The following TMEM131 variants were observed in gnomAD, a reference collection of about 807,000 sequenced individuals.
The protein encoded by TMEM131 is 2610524E03Rik.
Under a neutral mutation model 211.6 loss-of-function variants are expected in TMEM131, and 66 were observed. The observed-to-expected ratio is 0.31, with a 90% CI of 0.26 to 0.38. The LOEUF (loss-of-function observed/expected upper bound fraction) is 0.38, where lower values mean the gene tolerates loss of function less well. Among genes scored for constraint, TMEM131 ranks in the 10% least tolerant of loss-of-function variants. TMEM131 has a pLI of 1.00. For missense variants in TMEM131, 2,036 were observed against 2,299.3 expected, an observed-to-expected ratio of 0.89 and a Z score of 2.34; for synonymous variants, 844 against 841.3, an observed-to-expected ratio of 1.00 and a Z score of -0.06.
At chr2:97,758,763 G>T in intron 40 of TMEM131, 130 bp downstream of exon 40, 1 of 1,233,042 alleles carries the variant, frequency 8.1e-7, no homozygotes. Context: ...GACAATAAAA[G>T]TACTAACCCA....
At position 97,849,439 on chromosome 2, in the gene TMEM131, A is replaced by T. The variant is rs139702364; in HGVS notation, c.484-5178T>A. ...TACACCAACCAATATGAAATGCATT[A>T]TGCTAAAAGAAAGAAGCCAGACTAA... is the stretch of plus-strand genomic sequence containing the variant. On this transcript the variant is annotated intron_variant, in intron 5 of 40. Transcript: ENST00000186436. Among the ~76,000 whole-genome samples, 937 of 152,278 alleles carry T rather than the reference A, an allele frequency of 6.2e-3. 5 individuals carry two copies. The highest frequency in any genetic ancestry group is 0.01 in the Non-Finnish European group (706 of 67,996).
At chr2:97,943,236 AGAC>A (rs1424456826) in intron 1 of TMEM131, among the ~76,000 whole-genome samples, 1 of 152,134 alleles carries the variant, frequency 6.6e-6, no homozygotes, top group Non-Finnish European at 1.5e-5. Flanking sequence ...CAACAAGGCA[AGAC>A]CCTGTCTCTA....
In TMEM131 at chr2:97,914,236, T is replaced by C. The variant is rs150325917; in HGVS notation, c.250-5538A>G. On this transcript the variant is annotated intron_variant, in intron 2 of 40. Transcript: ENST00000186436. Reference sequence around the variant, plus strand: ...ACATGAATTTTCACTGAGATAACTGTAGATTCACATGCAGTTGCAAGAAAT... The same window carrying C: ...ACATGAATTTTCACTGAGATAACTGCAGATTCACATGCAGTTGCAAGAAAT... Among the ~76,000 whole-genome samples the C allele has an allele frequency of 6.2e-3, 949 of 152,320 alleles. 15 individuals carry two copies. The highest frequency in any genetic ancestry group is 0.02 in the African/African-American group (826 of 41,564).
intron 31 of TMEM131, among the ~76,000 whole-genome samples, chr2:97,783,394 C>T (rs1297940537): frequency 2.6e-5 from 4 of 152,036 alleles, no homozygotes; most frequent in African/African-American, 9.7e-5. Context: ...ACAAGATTTC[C>T]TTCATATCTT....
At chr2:97,939,754 C>T (rs1042684239) in intron 1 of TMEM131, among the ~76,000 whole-genome samples, 9 of 152,308 alleles carry the variant, frequency 5.9e-5, no homozygotes, top group African/African-American at 2.2e-4. Context: ...CCCTGATGAA[C>T]ATCGATGCAA....
chr2:97,857,032 A>G (rs1673878217), intron 5 of TMEM131, among the ~76,000 whole-genome samples: 1 of 152,216 alleles, frequency 6.6e-6, no homozygotes, highest in African/African-American at 2.4e-5. Flanking sequence ...AAATTTCCAG[A>G]GAAACTATTC....
intron 31 of TMEM131, among the ~76,000 whole-genome samples, chr2:97,777,167 C>G (rs1442924273): frequency 6.6e-6 from 1 of 152,236 alleles, no homozygotes; most frequent in African/African-American, 2.4e-5. Flanking sequence ...GCCCCAGGTT[C>G]TAGCACCTCA....
intron 1 of TMEM131, among the ~76,000 whole-genome samples, chr2:97,975,724 C>T (rs530474159): frequency 4.6e-5 from 7 of 150,856 alleles, no homozygotes; most frequent in African/African-American, 1.7e-4. Context: ...TATACAGATT[C>T]TTCCAAAAAA....
intron 4 of TMEM131, among the ~76,000 whole-genome samples, chr2:97,869,122 C>A (rs75721594): frequency 2.0e-5 from 3 of 152,240 alleles, no homozygotes. Context: ...AATGCTTTTA[C>A]AATTCAAATA....
intron 11 of TMEM131, among the ~76,000 whole-genome samples, chr2:97,832,810 T>G (rs917911045): frequency 9.2e-5 from 14 of 152,218 alleles, no homozygotes; most frequent in African/African-American, 3.1e-4. Flanking sequence ...CAATTCCATA[T>G]GGCCTAAAAG....
chr2:97,824,337 C>T (rs2105020508), intron 11 of TMEM131, among the ~76,000 whole-genome samples: 1 of 152,258 alleles, frequency 6.6e-6, no homozygotes. Context: ...TACGTTTAAC[C>T]ATTGAAGGCC....
chr2:97,760,903 A>G lies in TMEM131; in HGVS notation c.4901T>C (p.Ile1634Thr), dbSNP rs764554349. The G allele has an allele frequency of 1.2e-5, 20 of 1,613,746 alleles. No homozygotes were observed. Among genetic ancestry groups the G allele is most frequent in the East Asian group, 8.9e-5 (4 of 44,856 alleles). Residue 1634 changes from isoleucine (I) to threonine (T), a missense_variant, in exon 37 of 41, where the codon ATA becomes ACA. Transcript: ENST00000186436. ...GTGTTTGCTTCCATTTGGCTGTTTT[A>G]TTTTAGGGTCACTTGAAAAAGAAGC... ...VNSSSSSDPK[I>T]KQPNGSKHKL...
intron 31 of TMEM131, among the ~76,000 whole-genome samples, chr2:97,781,394 T>C (rs188706391): frequency 6.6e-6 from 1 of 152,346 alleles, no homozygotes; most frequent in African/African-American, 2.4e-5. Flanking sequence ...AAGTAATTTA[T>C]CCTATCAATA....
At chr2:97,759,787 G>A (rs749412009) in intron 38 of TMEM131, 38 bp from the exon 39 acceptor site, 11 of 1,507,550 alleles carry the variant, frequency 7.3e-6, no homozygotes, top group Non-Finnish European at 1.0e-5. Flanking sequence ...ACACAAAAAT[G>A]TATGGTGGTT....
At chr2:97,830,876 T>TA (rs1165958105) in intron 11 of TMEM131, among the ~76,000 whole-genome samples, 4 of 151,968 alleles carry the variant, frequency 2.6e-5, no homozygotes, top group Non-Finnish European at 5.9e-5. Context: ...AAGGGGAATT[T>TA]AAAAAAAAGA....
At position 97,767,533 on chromosome 2, in the gene TMEM131, T is replaced by A. The variant is rs527700278; in HGVS notation, c.4449-931A>T. On this transcript the variant is annotated intron_variant, in intron 33 of 40. Coordinates refer to ENST00000186436, the MANE Select transcript of TMEM131 (RefSeq NM_015348.2). Reference sequence around the variant, plus strand: ...GCTAATGTGGTCCAAGAAGGACCTTTTCCAGCAAAGGCTGAGATGCAGCTC... The same window carrying A: ...GCTAATGTGGTCCAAGAAGGACCTTATCCAGCAAAGGCTGAGATGCAGCTC... Among the ~76,000 whole-genome samples, 173 of 152,202 alleles carry A rather than the reference T, an allele frequency of 1.1e-3. 1 individual carries two copies. The South Asian group carries it at 0.013, about 12-fold the overall frequency.
intron 4 of TMEM131, among the ~76,000 whole-genome samples, chr2:97,873,069 G>A (rs577640831): frequency 2.6e-5 from 4 of 152,312 alleles, no homozygotes; most frequent in South Asian, 4.1e-4. Context: ...GGGGAGGGGC[G>A]TCCGCCATTG....
At chr2:97,852,851 T>A (rs1276839202) in intron 5 of TMEM131, among the ~76,000 whole-genome samples, 1 of 152,230 alleles carries the variant, frequency 6.6e-6, no homozygotes, top group Non-Finnish European at 1.5e-5. Flanking sequence ...TGGCTTTAAG[T>A]TGAAGCCAGT....
intron 33 of TMEM131, among the ~76,000 whole-genome samples, chr2:97,770,263 A>G (rs1306368013): frequency 2.6e-5 from 4 of 152,206 alleles, no homozygotes; most frequent in African/African-American, 9.6e-5. Flanking sequence ...TATTTGATTA[A>G]ATGATTGATG....
Sources: allele counts gnomAD v4.1 joint callset (sites outside exome capture counted in the v4.1 genomes callset), GRCh38; gene constraint gnomAD v4.1.1; transcripts MANE v1.5; gene names NCBI Gene and HGNC (gene_info 2026-07-23, HGNC 2026-07-21).